KCNMB2: variants seen among roughly 807,000 people sequenced by gnomAD.
The protein encoded by KCNMB2 is calcium-activated potassium channel subunit beta-2.
Under a neutral mutation model 24.5 loss-of-function variants are expected in KCNMB2, and 9 were observed. The ratio of observed to expected loss-of-function variants is 0.37; its 90% CI spans 0.22 to 0.64. KCNMB2 has a LOEUF of 0.64. Ranked by LOEUF, KCNMB2 falls within the 30% of genes least tolerant of loss-of-function variation. KCNMB2 has a pLI of 0.63. For missense variants in KCNMB2, 226 were observed against 284.3 expected, an observed-to-expected ratio of 0.79 and a Z score of 1.47; for synonymous variants, 109 against 104.4, an observed-to-expected ratio of 1.04 and a Z score of -0.27.
Position 178,758,186 on chromosome 3 carries a change from G to GA in KCNMB2, c.-67-49157_-67-49156insA, listed in dbSNP as rs1370032398. 1.2e-3 allele frequency among the ~76,000 whole-genome samples: 60 copies of GA among 48,370 alleles called. 23 individuals are homozygous for GA. The highest frequency in any genetic ancestry group is 2.0e-3 in the Non-Finnish European group (52 of 26,306). The allele number at this position is 48,370 out of a possible 152,430, so 31.7% of individuals were successfully genotyped here. A position where few individuals can be genotyped will look rare whatever the true frequency, so the allele number is the denominator to read the frequency against. ...AGAGGATATATATATATATATCCAA[G>GA]GGGATATATATATATATATATCCAA... On this transcript the variant is annotated intron_variant, in intron 1 of 4. Transcript: ENST00000452583.
intron 1 of KCNMB2, among the ~76,000 whole-genome samples, chr3:178,700,375 T>C (rs924914147): frequency 6.6e-6 from 1 of 152,194 alleles, no homozygotes; most frequent in Admixed American, 6.5e-5. Context: ...CTTAATAAAG[T>C]ACACATATAT....
intron 1 of KCNMB2, among the ~76,000 whole-genome samples, chr3:178,792,291 G>A (rs931641734): frequency 1.3e-5 from 2 of 152,078 alleles, no homozygotes; most frequent in African/African-American, 4.8e-5. Context: ...CCTCTTATTT[G>A]TCTGCTTGTT....
At position 178,828,320 on chromosome 3, in the gene KCNMB2, G is replaced by A. The variant is rs201338193; in HGVS notation, c.370G>A (p.Gly124Arg). The A allele has an allele frequency of 5.9e-5, 95 of 1,613,868 alleles. No homozygotes were observed. The highest frequency in any genetic ancestry group is 3.3e-4 in the East Asian group (15 of 44,854). The change falls in exon 4 of 5, where the codon GGG (glycine) becomes AGG (arginine). Residue 124 changes from glycine to arginine, a missense_variant. By Grantham distance (125) the Gly-to-Arg change is moderately radical. Coordinates refer to ENST00000452583, the MANE Select transcript of KCNMB2 (RefSeq NM_181361.3). ...GGTGTACGTTAACCTGACTTCTTCC[G>A]GGGAAAAGCTCCTCCTCTACCACAC... ...LQVYVNLTSSGEKLLLYHTEE... is the reference protein window; with the variant it reads ...LQVYVNLTSSREKLLLYHTEE...
At chr3:178,575,051 G>C (rs1577021564) in intron 1 of KCNMB2, among the ~76,000 whole-genome samples, 1 of 152,280 alleles carries the variant, frequency 6.6e-6, no homozygotes, top group East Asian at 1.9e-4. Flanking sequence ...CTGGGCAACA[G>C]AACAAGACTC....
At chr3:178,719,009 G>C (rs763025178) in intron 1 of KCNMB2, among the ~76,000 whole-genome samples, 1 of 152,116 alleles carries the variant, frequency 6.6e-6, no homozygotes, top group Non-Finnish European at 1.5e-5. Flanking sequence ...GGGTCTCTAA[G>C]CTAATGATCT....
chr3:178,713,434 A>G (rs1182431738), intron 1 of KCNMB2, among the ~76,000 whole-genome samples: 2 of 152,218 alleles, frequency 1.3e-5, no homozygotes, highest in African/African-American at 4.8e-5. Flanking sequence ...AAATTAAGAG[A>G]AAGATTTACC....
intron 1 of KCNMB2, among the ~76,000 whole-genome samples, chr3:178,803,965 T>C (rs1351963746): frequency 6.6e-6 from 1 of 152,190 alleles, no homozygotes; most frequent in African/African-American, 2.4e-5. Context: ...AAGCTTTGAA[T>C]TTTCACATCA....
At chr3:178,777,475 C>T (rs1490614710) in intron 1 of KCNMB2, among the ~76,000 whole-genome samples, 1 of 152,236 alleles carries the variant, frequency 6.6e-6, no homozygotes, top group African/African-American at 2.4e-5. Flanking sequence ...CATTACATGG[C>T]AAGATGTACT....
At chr3:178,555,372 T>G (rs1716088676) in intron 1 of KCNMB2, among the ~76,000 whole-genome samples, 1 of 152,238 alleles carries the variant, frequency 6.6e-6, no homozygotes, top group Non-Finnish European at 1.5e-5. Flanking sequence ...CACCTGGGAT[T>G]TGGACCTTGT....
intron 4 of KCNMB2, 145 bp downstream of exon 4, chr3:178,828,518 T>G (rs560108147): frequency 3.4e-6 from 2 of 596,926 alleles, no homozygotes; most frequent in African/African-American, 3.7e-5. Flanking sequence ...GAACTTGCTA[T>G]GTGACTCTTG....
chr3:178,672,587 G>A (rs1189178542), intron 1 of KCNMB2, among the ~76,000 whole-genome samples: 1 of 152,194 alleles, frequency 6.6e-6, no homozygotes, highest in Admixed American at 6.5e-5. Context: ...TTATGGAAAT[G>A]CAGCGGAGAG....
At chr3:178,666,085 C>T (rs751726653) in intron 1 of KCNMB2, among the ~76,000 whole-genome samples, 5 of 152,112 alleles carry the variant, frequency 3.3e-5, no homozygotes, top group African/African-American at 4.8e-5. Flanking sequence ...CATTGGAGAG[C>T]AGCAGACCAG....
In KCNMB2 at chr3:178,825,740, T is replaced by TG; in HGVS notation, c.210dup (p.Arg71AlafsTer26). On this transcript the variant is annotated frameshift_variant, in exon 3 of 5. Transcript: ENST00000452583. LOFTEE classifies it high-confidence loss of function. ...TATTTTCTGCTGGGAATCACACTCC[T>TG]GCGCTCATACATGCAGAGGTAATAC... 1 of 1,613,278 alleles carries TG rather than the reference T, an allele frequency of 6.2e-7. No individual in the cohort carries two copies. Among genetic ancestry groups the TG allele is most frequent in the Non-Finnish European group, 8.5e-7 (1 of 1,179,360 alleles).
chr3:178,694,737 G>C (rs1577103778), intron 1 of KCNMB2, among the ~76,000 whole-genome samples: 1 of 152,334 alleles, frequency 6.6e-6, no homozygotes, highest in African/African-American at 2.4e-5. Flanking sequence ...CAAGAGGTGG[G>C]CTCCCAGGGT....
chr3:178,595,059 C>CAAAAAAAAAAAAAAA (rs57471892), intron 1 of KCNMB2, among the ~76,000 whole-genome samples: 7 of 123,716 alleles, frequency 5.7e-5, no homozygotes, highest in East Asian at 2.5e-4. Context: ...ACAGTATTTG[C>CAAAAAAAAAAAAAAA]AAAAAAAAAA....
rs185797064 is a variant in KCNMB2, at chr3:178,564,302, G to A, written c.-68+27591G>A. On this transcript the variant is annotated intron_variant, in intron 1 of 4. Transcript: ENST00000452583. ...CAAAAAAAAAAAAAATTGAGATTCTGATTATGGTGGGTACCATATGTCACA... is the reference window on the plus strand; with the variant it reads ...CAAAAAAAAAAAAAATTGAGATTCTAATTATGGTGGGTACCATATGTCACA... Among the ~76,000 whole-genome samples the A allele has an allele frequency of 7.0e-4, 106 of 151,912 alleles. 1 individual carries two copies. Among genetic ancestry groups the A allele is most frequent in the Non-Finnish European group, 1.2e-3 (82 of 67,960 alleles).
intron 1 of KCNMB2, among the ~76,000 whole-genome samples, chr3:178,571,467 T>TAC (rs1350293874): frequency 3.7e-5 from 5 of 136,354 alleles, no homozygotes; most frequent in African/African-American, 1.5e-4. Flanking sequence ...TATATATATA[T>TAC]ATATATATAT....
At chr3:178,710,036 T>C (rs1196525082) in intron 1 of KCNMB2, among the ~76,000 whole-genome samples, 1 of 152,154 alleles carries the variant, frequency 6.6e-6, no homozygotes, top group Non-Finnish European at 1.5e-5. Flanking sequence ...TTACCTTCTC[T>C]GAACTCTGAA....
chr3:178,648,022 CA>C (rs1222402386), intron 1 of KCNMB2, among the ~76,000 whole-genome samples: 2 of 152,034 alleles, frequency 1.3e-5, no homozygotes, highest in African/African-American at 4.8e-5. Context: ...TTCAAGTGCA[CA>C]ACACTGAATT....
Sources: gnomAD v4.1 joint callset for allele counts (sites outside exome capture counted in the v4.1 genomes callset) on GRCh38, gnomAD v4.1.1 for gene constraint, MANE v1.5 for transcripts, NCBI Gene and HGNC (gene_info 2026-07-23, HGNC 2026-07-21) for gene names.